Variants in NPAS4 observed in about 807,000 individuals in gnomAD.
NPAS4 encodes the protein neuronal PAS domain-containing protein 4.
Under a neutral mutation model 64.0 loss-of-function variants are expected in NPAS4, and 10 were observed. The observed-to-expected ratio is 0.16, with a 90% CI of 0.10 to 0.26. The LOEUF (loss-of-function observed/expected upper bound fraction) is 0.26, where lower values mean the gene tolerates loss of function less well. NPAS4 is among the 10% of genes least tolerant of loss of function. The pLI, the probability that NPAS4 is intolerant of heterozygous loss-of-function variation, is 1.00. For missense variants in NPAS4, 886 were observed against 992.6 expected (o/e 0.89, Z 1.44); for synonymous variants, 441 against 411.7 (o/e 1.07, Z -0.86).
At chr11:66,412,896 G>T in the NPAS4 span, among the ~76,000 whole-genome samples, 1 of 152,194 alleles carries the variant, frequency 6.6e-6, no homozygotes, top group East Asian at 1.9e-4. Context: ...CCTCTTGATG[G>T]TCCTTCAAAC....
the NPAS4 span, among the ~76,000 whole-genome samples, chr11:66,412,234 C>T: frequency 6.6e-6 from 1 of 152,266 alleles, no homozygotes; most frequent in East Asian, 1.9e-4. Context: ...GGCTGCTGAG[C>T]ACCAGAAGGG....
chr11:66,423,561 A>G lies in NPAS4; in HGVS notation c.809-17A>G. ...TGCCTGGTGGACATCCTAACTCTGCATCTTCTTTCTCCCCAGTGGCTGAGA... is the reference window on the plus strand; with the variant it reads ...TGCCTGGTGGACATCCTAACTCTGCGTCTTCTTTCTCCCCAGTGGCTGAGA... On this transcript the variant is annotated splice_polypyrimidine_tract_variant and intron_variant, in intron 5 of 7. Coordinates refer to ENST00000311034, the MANE Select transcript of NPAS4 (RefSeq NM_178864.4). 1 of 1,613,740 alleles carries G rather than the reference A, an allele frequency of 6.2e-7. No individual in the cohort carries two copies. Among genetic ancestry groups the G allele is most frequent in the South Asian group, 1.1e-5 (1 of 91,060 alleles).
Position 66,421,246 on chromosome 11 carries a change from C to T in NPAS4, c.67C>T (p.Leu23Phe). Reference protein sequence around the residue: ...RDQINAEIRNLKELLPLAEAD... With the variant: ...RDQINAEIRNFKELLPLAEAD... ...CCAGATCAACGCCGAGATCCGGAAC[C>T]TCAAGGAGCTGCTGCCGCTGGCCGA... Residue 23 changes from leucine (L) to phenylalanine (F), a missense_variant, in exon 1 of 8, where the codon CTC (leucine) becomes TTC (phenylalanine). Around this residue, in one of 3 missense-constraint regions of NPAS4, gnomAD observed 38 missense variants for 80.1 expected, o/e 0.47. Coordinates refer to ENST00000311034, the MANE Select transcript of NPAS4 (RefSeq NM_178864.4). 1 of 1,613,980 alleles carries T rather than the reference C, an allele frequency of 6.2e-7. No homozygotes were observed. Among genetic ancestry groups the T allele is most frequent in the Non-Finnish European group, 8.5e-7 (1 of 1,179,950 alleles).
At position 66,422,885 on chromosome 11, in the gene NPAS4, G is replaced by A. The variant is rs1856770035; in HGVS notation, c.642G>A (p.Leu214=). ...GPGPGPASLF[L]AMFQSRHAKD... is the part of the protein sequence containing the mutation. ...GCCCTGGCCCTGCCTCGCTCTTCCT[G>A]GCCATGTTCCAGAGCCGCCATGCTA... The change falls in exon 4 of 8, where the codon CTG becomes CTA. Residue 214 remains leucine, a synonymous_variant. Transcript: ENST00000311034. The A allele has an allele frequency of 1.9e-6, 3 of 1,610,888 alleles. No individual in the cohort carries two copies. The highest frequency in any genetic ancestry group is 2.5e-6 in the Non-Finnish European group (3 of 1,180,016).
chr11:66,416,110 T>C (rs950802658), upstream of NPAS4, among the ~76,000 whole-genome samples: 1 of 151,800 alleles, frequency 6.6e-6, no homozygotes, highest in Non-Finnish European at 1.5e-5. Context: ...TAAATAACAA[T>C]AATGATATCA....
rs139639624 is a variant in NPAS4 at position 66,425,016 on chromosome 11, C to T, written c.2126C>T (p.Pro709Leu). Residue 709 changes from proline (P) to leucine (L), a missense_variant, in exon 7 of 8, where the codon CCC becomes CTC. Transcript: ENST00000311034. ...GATAACATGTTCCTGGAAGAGACGC[C>T]CGTGGAAGACATCTTCATGGATCTC... ...DPDNMFLEET[P>L]VEDIFMDLST... is the part of the protein sequence containing the mutation. The T allele has an allele frequency of 9.3e-6, 15 of 1,613,760 alleles. No individual in the cohort carries two copies. Among genetic ancestry groups the T allele is most frequent in the Non-Finnish European group, 1.3e-5 (15 of 1,179,904 alleles).
the NPAS4 span, among the ~76,000 whole-genome samples, chr11:66,414,461 T>C: frequency 6.6e-6 from 1 of 152,036 alleles, no homozygotes; most frequent in African/African-American, 2.4e-5. Flanking sequence ...CTACTCTCCC[T>C]CTCCCACCCC....
chr11:66,423,061 G>A (rs1856774449), intron 4 of NPAS4, 62 bp from the exon 5 acceptor site: 3 of 1,488,368 alleles, frequency 2.0e-6, no homozygotes, highest in Non-Finnish European at 2.8e-6. Context: ...GGGAGGGAGT[G>A]AGATGCATGG....
intron 7 of NPAS4, 56 bp downstream of exon 7, chr11:66,425,326 G>T: frequency 9.3e-7 from 1 of 1,080,910 alleles, no homozygotes; most frequent in East Asian, 2.7e-5. Context: ...ATGAAATGCT[G>T]GGTAGATTTA....
upstream of NPAS4, chr11:66,420,968 C>T (rs1007950354): frequency 5.8e-5 from 31 of 531,274 alleles, no homozygotes; most frequent in Non-Finnish European, 9.1e-5. Context: ...CTCCCGCCCC[C>T]CCGGCTCTAA....
Position 66,421,087 on chromosome 11 carries a change from A to G in NPAS4, c.-93A>G. ...AGAGCAGAGAGCGAGCCTGAGCGAGAGACGGGGAAGCACGGAGGAGGAAGC... is the reference window on the plus strand; with the variant it reads ...AGAGCAGAGAGCGAGCCTGAGCGAGGGACGGGGAAGCACGGAGGAGGAAGC... On this transcript the variant is annotated 5_prime_UTR_variant, in exon 1 of 8. Transcript: ENST00000311034. 9.0e-7 allele frequency: 1 copy of G among 1,111,948 alleles called. No individual in the cohort carries two copies. The highest frequency in any genetic ancestry group is 1.3e-6 in the Non-Finnish European group (1 of 775,522). The allele number at this position is 1,111,948 out of a possible 1,614,324, so 68.9% of individuals were successfully genotyped here. A position where few individuals can be genotyped will look rare whatever the true frequency, so the allele number is the denominator to read the frequency against.
At position 66,423,666 on chromosome 11, in the gene NPAS4, C is replaced by T. The variant is rs1292834038; in HGVS notation, c.897C>T (p.Tyr299=). ...GGGCATGGATTTACTGCCTGTTATA[C>T]TCAGAAGGTCCAGAGGGACCCATTA... is the stretch of plus-strand genomic sequence containing the variant. ...GGWAWIYCLL[Y]SEGPEGPITA... is the part of the protein sequence containing the mutation. The change falls in exon 6 of 8, where the codon TAC becomes TAT. Residue 299 remains tyrosine, a synonymous_variant. Coordinates refer to ENST00000311034, the MANE Select transcript of NPAS4 (RefSeq NM_178864.4). The T allele has an allele frequency of 1.2e-6, 2 of 1,614,032 alleles. No individual in the cohort carries two copies. Among genetic ancestry groups the T allele is most frequent in the African/African-American group, 1.3e-5 (1 of 74,912 alleles).
chr11:66,417,834 G>A (rs1856688006), upstream of NPAS4, among the ~76,000 whole-genome samples: 1 of 151,894 alleles, frequency 6.6e-6, no homozygotes, highest in Admixed American at 6.6e-5. Context: ...GACAAGCATA[G>A]ATGCAGGCAT....
chr11:66,420,589 AC>A (rs1310125868), upstream of NPAS4, among the ~76,000 whole-genome samples: 2 of 152,124 alleles, frequency 1.3e-5, no homozygotes, highest in Admixed American at 6.5e-5. Context: ...TTTGTAGACA[AC>A]CCTGTTCTTC....
chr11:66,425,149 C>T lies in NPAS4; in HGVS notation c.2259C>T (p.Phe753=), dbSNP rs1029416212. The T allele has an allele frequency of 6.9e-6, 11 of 1,605,456 alleles. No homozygotes were observed. The highest frequency in any genetic ancestry group is 9.3e-6 in the Non-Finnish European group (11 of 1,177,186). ...ACCTGTCCCCAGAAGACCACAGCTT[C>T]CTGGAGGACCTGGCCACATATGAAA... is the stretch of plus-strand genomic sequence containing the variant. ...CNNLSPEDHS[F]LEDLATYETA... Residue 753 remains phenylalanine, a synonymous_variant, in exon 7 of 8, where the codon TTC becomes TTT. Transcript: ENST00000311034.
upstream of NPAS4, among the ~76,000 whole-genome samples, chr11:66,416,297 A>G (rs190317671): frequency 2.6e-5 from 4 of 152,274 alleles, no homozygotes; most frequent in Admixed American, 2.0e-4. Context: ...GTCTCTCTCC[A>G]GGGTCAGATT....
the NPAS4 span, among the ~76,000 whole-genome samples, chr11:66,414,409 A>G: frequency 6.6e-6 from 1 of 152,086 alleles, no homozygotes; most frequent in Non-Finnish European, 1.5e-5. Flanking sequence ...CCCTGCCTTC[A>G]GGACATTGCC....
At chr11:66,425,876 A>C in intron 7 of NPAS4, 85 bp from the exon 8 acceptor site, 1 of 1,024,526 alleles carries the variant, frequency 9.8e-7, no homozygotes, top group East Asian at 2.4e-5. Context: ...TGAAGCCTAT[A>C]CTAATACCAA....
In NPAS4 at chr11:66,426,071, G is replaced by C. The variant is rs1177311858; in HGVS notation, c.*82G>C. The C allele has an allele frequency of 9.3e-7, 1 of 1,081,056 alleles. No individual in the cohort carries two copies. The highest frequency in any genetic ancestry group is 1.3e-5 in the South Asian group (1 of 79,596). 67.0% of individuals were successfully genotyped at this position (1,081,056 alleles called of 1,614,324 possible). The stretch of plus-strand genomic sequence containing the variant: ...CGCTCTCCACCCCCCCGGGACTGTT[G>C]GGGGGATTCTGAGGGCCAGAGGGGG... On this transcript the variant is annotated 3_prime_UTR_variant, in exon 8 of 8. Transcript: ENST00000311034.
Sources: allele counts gnomAD v4.1 joint callset (sites outside exome capture counted in the v4.1 genomes callset), GRCh38; gene constraint gnomAD v4.1.1; regional missense constraint gnomAD v4.1.1; transcripts MANE v1.5; gene names NCBI Gene and HGNC (gene_info 2026-07-23, HGNC 2026-07-21).